TGFB2: variants seen among roughly 807,000 people sequenced by gnomAD.
The protein encoded by TGFB2 is transforming growth factor beta-2 proprotein.
TGFB2 carries 13 observed loss-of-function variants against 42.7 expected under a neutral mutation model. The observed-to-expected ratio is 0.30, with a 90% confidence interval of 0.20 to 0.48. The LOEUF is 0.48. Among genes scored for constraint, TGFB2 ranks in the 20% least tolerant of loss-of-function variants. The probability of loss-of-function intolerance (pLI) is 0.99; values close to 1 mark genes in which losing one functional copy is unlikely to be tolerated. For missense variants in TGFB2, 390 were observed against 517.5 expected (o/e 0.75, Z 2.39); for synonymous variants, 193 against 193.6 (o/e 1.00, Z 0.03).
At chr1:218,404,765 A>T (rs1558248127) in intron 1 of TGFB2, among the ~76,000 whole-genome samples, 1 of 152,212 alleles carries the variant, frequency 6.6e-6, no homozygotes, top group Non-Finnish European at 1.5e-5. Flanking sequence ...ACATGGGCAA[A>T]CTGCTGGCCA....
chr1:218,413,588 G>T (rs1257827692), intron 2 of TGFB2, among the ~76,000 whole-genome samples: 1 of 152,230 alleles, frequency 6.6e-6, no homozygotes, highest in African/African-American at 2.4e-5. Context: ...TTTGGCAAGT[G>T]AAAGTACAGA....
Position 218,401,133 on chromosome 1 carries a change from G to A in TGFB2, c.347-4036G>A, listed in dbSNP as rs563916220. 1.9e-4 allele frequency among the ~76,000 whole-genome samples: 29 copies of A among 152,308 alleles called. No homozygotes were observed. In the South Asian group the frequency reaches 3.1e-3, roughly 16 times the overall value. On this transcript the variant is annotated intron_variant, in intron 1 of 6. Transcript: ENST00000366930. The stretch of plus-strand genomic sequence containing the variant: ...CCCTGTGCCCCTGTGCTGGCCACAC[G>A]CTCATGAAGTGGAGAAAAACTATAA...
chr1:218,434,507 T>A, intron 4 of TGFB2, 59 bp downstream of exon 4: 2 of 1,084,608 alleles, frequency 1.8e-6, no homozygotes, highest in Non-Finnish European at 2.8e-6. Flanking sequence ...GATAATCTCA[T>A]GGGGGATAAA....
At chr1:218,395,770 C>A (rs1202990522) in intron 1 of TGFB2, among the ~76,000 whole-genome samples, 3 of 152,030 alleles carry the variant, frequency 2.0e-5, no homozygotes, top group Non-Finnish European at 4.4e-5. Context: ...TGCCACCACA[C>A]CTGGCTAATT....
At chr1:218,420,420 A>G (rs2102611578) in intron 2 of TGFB2, among the ~76,000 whole-genome samples, 1 of 152,290 alleles carries the variant, frequency 6.6e-6, no homozygotes, top group Middle Eastern at 3.4e-3. Flanking sequence ...CATGAATGCT[A>G]CTGAGCTGCA....
chr1:218,383,532 G>T (rs552879812), intron 1 of TGFB2, among the ~76,000 whole-genome samples: 175 of 152,250 alleles, frequency 1.1e-3, no homozygotes, highest in African/African-American at 3.9e-3. Context: ...GTGTGTATGT[G>T]GGGGGTGTGG....
intron 2 of TGFB2, among the ~76,000 whole-genome samples, chr1:218,419,904 C>T (rs1042706307): frequency 6.6e-6 from 1 of 152,102 alleles, no homozygotes; most frequent in Non-Finnish European, 1.5e-5. Flanking sequence ...ACCCCATAAA[C>T]TTGATGTTTT....
At chr1:218,387,107 T>C (rs979849572) in intron 1 of TGFB2, among the ~76,000 whole-genome samples, 3 of 152,094 alleles carry the variant, frequency 2.0e-5, no homozygotes, top group African/African-American at 4.8e-5. Flanking sequence ...CAAGGATGAA[T>C]AGAATTTGCC....
Position 218,346,986 on chromosome 1 carries a change from C to T in TGFB2, c.285C>T (p.Asp95=), listed in dbSNP as rs767393318. Residue 95 remains aspartate, a synonymous_variant, in exon 1 of 7, where the codon GAC becomes GAT. Coordinates refer to ENST00000366930, the MANE Select transcript of TGFB2 (RefSeq NM_003238.6). The surrounding 1 kb of genome is among the most constrained non-coding windows in gnomAD (Gnocchi z 4.9). ...RAAACERERS[D]EEYYAKEVYK... is the part of the protein sequence containing the mutation. ...CCGCCTGCGAGCGCGAGAGGAGCGA[C>T]GAAGAGTACTACGCCAAGGAGGTTT... The T allele has an allele frequency of 1.2e-6, 2 of 1,612,938 alleles. No individual in the cohort carries two copies. Among genetic ancestry groups the T allele is most frequent in the African/African-American group, 1.3e-5 (1 of 74,906 alleles).
At position 218,439,217 on chromosome 1, in the gene TGFB2, T is replaced by A. The variant is rs567965634; in HGVS notation, c.1086+1721T>A. ...ACCAAGGCTTGGCATGCAGGCCTCC[T>A]TGTTTTATAACCAGGCCTCCATTTG... On this transcript the variant is annotated intron_variant, in intron 6 of 6. Transcript: ENST00000366930. 8.5e-5 allele frequency among the ~76,000 whole-genome samples: 13 copies of A among 152,276 alleles called. No individual in the cohort carries two copies. In the East Asian group the frequency reaches 2.3e-3, roughly 27 times the overall value.
At chr1:218,387,504 A>G (rs1261154638) in intron 1 of TGFB2, among the ~76,000 whole-genome samples, 3 of 152,154 alleles carry the variant, frequency 2.0e-5, no homozygotes, top group Non-Finnish European at 4.4e-5. Context: ...TGAACCCAGT[A>G]ACCTCAAGGG....
intron 1 of TGFB2, among the ~76,000 whole-genome samples, chr1:218,357,962 G>C (rs1201212047): frequency 6.6e-6 from 1 of 152,140 alleles, no homozygotes; most frequent in Non-Finnish European, 1.5e-5. Context: ...AAAGAAAAAC[G>C]TTGTGACTGT....
chr1:218,350,707 A>C (rs539056571), intron 1 of TGFB2, among the ~76,000 whole-genome samples: 53 of 152,322 alleles, frequency 3.5e-4, no homozygotes, highest in African/African-American at 1.2e-3. Context: ...TGTGGTCTTA[A>C]AGCCCCTAAA....
intron 2 of TGFB2, among the ~76,000 whole-genome samples, chr1:218,420,917 C>T (rs1467077639): frequency 6.6e-6 from 1 of 152,138 alleles, no homozygotes; most frequent in Non-Finnish European, 1.5e-5. Context: ...AAGCTCTTGC[C>T]AGGTATACAT....
chr1:218,441,577 T>C lies in TGFB2; in HGVS notation c.*215T>C, dbSNP rs1660153786. 1 of 403,318 alleles carries C rather than the reference T, an allele frequency of 2.5e-6. No individual in the cohort carries two copies. The highest frequency in any genetic ancestry group is 4.3e-6 in the Non-Finnish European group (1 of 232,404). The allele number at this position is 403,318 out of a possible 1,614,324, so 25.0% of individuals were successfully genotyped here. On this transcript the variant is annotated 3_prime_UTR_variant, in exon 7 of 7. Coordinates refer to ENST00000366930, the MANE Select transcript of TGFB2 (RefSeq NM_003238.6). ...GACACAAAAAAAGTTGAAGGCCTTA[T>C]TCTACATTTCACCTACTTTGTAAGT...
intron 1 of TGFB2, among the ~76,000 whole-genome samples, chr1:218,358,967 G>T (rs1657127597): frequency 6.6e-6 from 1 of 152,098 alleles, no homozygotes; most frequent in African/African-American, 2.4e-5. Flanking sequence ...CAAAGGATGG[G>T]TGGTTTGGTC....
Position 218,441,783 on chromosome 1 carries a change from A to G in TGFB2, c.*421A>G, listed in dbSNP as rs1037407138. On this transcript the variant is annotated 3_prime_UTR_variant, in exon 7 of 7. Transcript: ENST00000366930. The stretch of plus-strand genomic sequence containing the variant: ...CCTCACTTGATTTTTCTGTATTGCT[A>G]TGCAATAGGCACCCTTCCCATTCTT... The G allele has an allele frequency of 6.3e-6, 1 of 158,068 alleles. No individual in the cohort carries two copies. Among genetic ancestry groups the G allele is most frequent in the Non-Finnish European group, 1.4e-5 (1 of 72,082 alleles). 9.8% of individuals were successfully genotyped at this position (158,068 alleles called of 1,614,324 possible). A position where few individuals can be genotyped will look rare whatever the true frequency, so the allele number is the denominator to read the frequency against.
chr1:218,407,922 G>GA (rs1276453780), intron 2 of TGFB2, among the ~76,000 whole-genome samples: 3 of 151,956 alleles, frequency 2.0e-5, no homozygotes, highest in Non-Finnish European at 4.4e-5. Context: ...TGGTTCCTAT[G>GA]AAAAAAAGCC....
intron 2 of TGFB2, among the ~76,000 whole-genome samples, chr1:218,407,124 A>G (rs929281184): frequency 1.1e-4 from 16 of 152,280 alleles, no homozygotes; most frequent in African/African-American, 3.4e-4. Context: ...TTGAGACAGC[A>G]TCTTGCTCTG....
Sources: gnomAD v4.1 joint callset for allele counts (sites outside exome capture counted in the v4.1 genomes callset) on GRCh38, gnomAD v4.1.1 for gene constraint, Gnocchi (gnomAD v3.1) non-coding constraint, MANE v1.5 for transcripts, NCBI Gene and HGNC (gene_info 2026-07-23, HGNC 2026-07-21) for gene names.